Variants in CDH12 observed in about 807,000 individuals in gnomAD.
The protein encoded by CDH12 is cadherin 12.
Under a neutral mutation model 74.1 loss-of-function variants are expected in CDH12, and 41 were observed. The ratio of observed to expected loss-of-function variants is 0.55; its 90% CI spans 0.43 to 0.72. The LOEUF is 0.72. CDH12 is among the 30% of genes least tolerant of loss of function. The probability of loss-of-function intolerance (pLI) is 0.00; values close to 1 mark genes in which losing one functional copy is unlikely to be tolerated. For missense variants in CDH12, 945 were observed against 977.2 expected (o/e 0.97, Z 0.44); for synonymous variants, 399 against 355.0 (o/e 1.12, Z -1.39).
rs561838245 is a variant in CDH12 at position 21,772,427 on chromosome 5, G to A, written c.1394-7328C>T. On this transcript the variant is annotated intron_variant, in intron 11 of 14. Transcript: ENST00000382254. Reference sequence around the variant, plus strand: ...TATTCTGAAATCCTGCATATTTTTCGGAATATTTTATGCTTTATTCCATTT... The same window carrying A: ...TATTCTGAAATCCTGCATATTTTTCAGAATATTTTATGCTTTATTCCATTT... Among the ~76,000 whole-genome samples, 98 of 151,566 alleles carry A rather than the reference G, an allele frequency of 6.5e-4. 1 individual carries two copies. Among genetic ancestry groups the A allele is most frequent in the African/African-American group, 2.2e-3 (90 of 41,310 alleles).
At position 22,816,522 on chromosome 5, in the gene CDH12, A is replaced by G. The variant is rs184765764; in HGVS notation, c.-523+36536T>C. On this transcript the variant is annotated intron_variant, in intron 1 of 14. Transcript: ENST00000382254. ...CAATTTTTCAGTCTTGACATGAACC[A>G]TAGAGGAAAGTATCTACTTTTCTTG... Among the ~76,000 whole-genome samples the G allele has an allele frequency of 3.8e-4, 58 of 152,326 alleles. No homozygotes were observed. In the Middle Eastern group the frequency reaches 0.01, roughly 27 times the overall value.
chr5:22,754,569 CA>C (rs72233503), intron 1 of CDH12, among the ~76,000 whole-genome samples: 3,134 of 131,942 alleles, frequency 0.024, 43 homozygotes, highest in East Asian at 0.041. Flanking sequence ...GGAAAGCAGA[CA>C]AAAAAAAAAA....
intron 3 of CDH12, among the ~76,000 whole-genome samples, chr5:22,331,822 C>CA (rs946988791): frequency 6.7e-4 from 101 of 150,016 alleles, no homozygotes; most frequent in East Asian, 3.5e-3. Context: ...TTGAAATAAC[C>CA]AAAAAAAAAT....
At chr5:21,853,612 T>C (rs1014209121) in intron 7 of CDH12, among the ~76,000 whole-genome samples, 7 of 151,686 alleles carry the variant, frequency 4.6e-5, no homozygotes, top group African/African-American at 7.3e-5. Context: ...CAGGCAACAT[T>C]AATACATAAT....
chr5:21,884,026 C>T (rs1417602201), intron 6 of CDH12: 9 of 1,467,880 alleles, frequency 6.1e-6, no homozygotes, highest in South Asian at 3.4e-5. Flanking sequence ...GCAATGACCA[C>T]TGCTACGAAT....
intron 1 of CDH12, among the ~76,000 whole-genome samples, chr5:22,830,771 C>G (rs551518592): frequency 1.0e-3 from 154 of 151,608 alleles, no homozygotes; most frequent in African/African-American, 3.6e-3. Context: ...ATTATATTAA[C>G]TTAATTTTAA....
chr5:22,658,293 T>C (rs1023362129), intron 1 of CDH12, among the ~76,000 whole-genome samples: 16 of 152,184 alleles, frequency 1.1e-4, no homozygotes, highest in African/African-American at 3.9e-4. Context: ...TACCCATATA[T>C]ACACAATTCT....
rs756724553 is a variant in CDH12 at position 22,064,554 on chromosome 5, C to T, written c.231+13892G>A. Among the ~76,000 whole-genome samples, 49 of 152,026 alleles carry T rather than the reference C, an allele frequency of 3.2e-4. 1 individual carries two copies. Among genetic ancestry groups the T allele is most frequent in the Non-Finnish European group, 6.5e-4 (44 of 68,008 alleles). On this transcript the variant is annotated intron_variant, in intron 5 of 14. Coordinates refer to ENST00000382254, the MANE Select transcript of CDH12 (RefSeq NM_004061.5). ...ACAGCACCAATAGTCCTTGGTGTGACGGGGCAACAGAGATATGTAGAATAT... is the reference window on the plus strand; with the variant it reads ...ACAGCACCAATAGTCCTTGGTGTGATGGGGCAACAGAGATATGTAGAATAT...
intron 1 of CDH12, among the ~76,000 whole-genome samples, chr5:22,629,513 A>G (rs958521499): frequency 1.3e-5 from 2 of 152,128 alleles, no homozygotes; most frequent in African/African-American, 4.8e-5. Flanking sequence ...ACAAAACCAC[A>G]CGATCATCTC....
At position 22,696,992 on chromosome 5, in the gene CDH12, C is replaced by A. The variant is rs1295356993; in HGVS notation, c.-523+156066G>T. Among the ~76,000 whole-genome samples, 3 of 152,030 alleles carry A rather than the reference C, an allele frequency of 2.0e-5. No homozygotes were observed. In the East Asian group the frequency reaches 5.8e-4, roughly 29 times the overall value. The stretch of plus-strand genomic sequence containing the variant: ...TAAAAAGAACTCCTACCGTGTAACC[C>A]AGATTGAAGTTATTTAAGAAAATCT... On this transcript the variant is annotated intron_variant, in intron 1 of 14. Coordinates refer to ENST00000382254, the MANE Select transcript of CDH12 (RefSeq NM_004061.5).
rs528352876 is a variant in CDH12 at position 21,770,989 on chromosome 5, T to C, written c.1394-5890A>G. Among the ~76,000 whole-genome samples, 6 of 152,100 alleles carry C rather than the reference T, an allele frequency of 3.9e-5. No individual in the cohort carries two copies. The South Asian group carries it at 6.2e-4, about 16-fold the overall frequency. On this transcript the variant is annotated intron_variant, in intron 11 of 14. Transcript: ENST00000382254. The stretch of plus-strand genomic sequence containing the variant: ...ACAACCCAATGCCACATGTTCTCAA[T>C]TGTAAGTGGGAACTAAACTTTGAGT...
intron 1 of CDH12, among the ~76,000 whole-genome samples, chr5:22,721,442 C>A (rs1743880292): frequency 1.3e-5 from 2 of 152,186 alleles, no homozygotes; most frequent in Admixed American, 6.5e-5. Flanking sequence ...TTACTTAATG[C>A]CTGTACCCTC....
Position 22,234,583 on chromosome 5 carries a change from CT to C in CDH12, c.-332-21941del, listed in dbSNP as rs747291648. On this transcript the variant is annotated intron_variant, in intron 3 of 14. Transcript: ENST00000382254. The stretch of plus-strand genomic sequence containing the variant: ...GGTATGTGGGGTTTTTTTTGTTTTG[CT>C]TTTTTTTTTTTCAGCAGCATGAAAA... 1.1e-3 allele frequency among the ~76,000 whole-genome samples: 152 copies of C among 140,596 alleles called. 1 individual carries two copies. Among genetic ancestry groups the C allele is most frequent in the South Asian group, 1.4e-3 (6 of 4,404 alleles). The allele number at this position is 140,596 out of a possible 152,430, so 92.2% of individuals were successfully genotyped here. A position where few individuals can be genotyped will look rare whatever the true frequency, so the allele number is the denominator to read the frequency against.
At chr5:22,299,249 G>C (rs1435303151) in intron 3 of CDH12, among the ~76,000 whole-genome samples, 2 of 152,046 alleles carry the variant, frequency 1.3e-5, no homozygotes, top group Non-Finnish European at 2.9e-5. Flanking sequence ...GGGAGAGATG[G>C]GGTGGGGTTG....
chr5:22,540,748 C>G (rs2126718587), intron 1 of CDH12, among the ~76,000 whole-genome samples: 1 of 152,200 alleles, frequency 6.6e-6, no homozygotes, highest in Non-Finnish European at 1.5e-5. Flanking sequence ...TCTGTTCACC[C>G]AGTATTTCAA....
At chr5:22,529,889 A>G (rs1212994819) in intron 1 of CDH12, among the ~76,000 whole-genome samples, 2 of 152,190 alleles carry the variant, frequency 1.3e-5, no homozygotes, top group Non-Finnish European at 2.9e-5. Context: ...GACCCTCTGC[A>G]GGCTCACAGT....
intron 6 of CDH12, among the ~76,000 whole-genome samples, chr5:21,896,179 C>T (rs186527103): frequency 2.0e-3 from 297 of 152,214 alleles, no homozygotes; most frequent in African/African-American, 6.5e-3. Context: ...AAATAGAATT[C>T]ATTCCAAAAA....
chr5:22,017,821 G>A (rs985626164), intron 5 of CDH12, among the ~76,000 whole-genome samples: 4 of 150,680 alleles, frequency 2.7e-5, no homozygotes, highest in African/African-American at 9.8e-5. Context: ...GTGCAATGGC[G>A]TAATCTCAGC....
intron 3 of CDH12, among the ~76,000 whole-genome samples, chr5:22,237,123 AGTTT>A (rs995696028): frequency 1.6e-4 from 25 of 152,138 alleles, no homozygotes; most frequent in African/African-American, 5.1e-4. Flanking sequence ...CATCACAGTT[AGTTT>A]GTTTACACCA....
Sources: gnomAD v4.1 joint callset for allele counts (sites outside exome capture counted in the v4.1 genomes callset) on GRCh38, gnomAD v4.1.1 for gene constraint, MANE v1.5 for transcripts, NCBI Gene and HGNC (gene_info 2026-07-23, HGNC 2026-07-21) for gene names.